The following LRRTM4 variants were observed in gnomAD, a reference collection of about 807,000 sequenced individuals.
LRRTM4 encodes the protein leucine-rich repeat transmembrane neuronal protein 4.
LRRTM4 carries 25 observed loss-of-function variants against 47.6 expected under a neutral mutation model. The ratio of observed to expected loss-of-function variants is 0.53; its 90% CI spans 0.38 to 0.73. LRRTM4 has a LOEUF of 0.73. LRRTM4 is among the 30% of genes least tolerant of loss of function. The pLI is 0.00. For missense variants in LRRTM4, 638 were observed against 713.4 expected, an observed-to-expected ratio of 0.89 and a Z score of 1.20; for synonymous variants, 311 against 269.5, an observed-to-expected ratio of 1.15 and a Z score of -1.51.
At chr2:76,971,208 C>T (rs183439519) in intron 3 of LRRTM4, among the ~76,000 whole-genome samples, 14 of 152,104 alleles carry the variant, frequency 9.2e-5, no homozygotes, top group Non-Finnish European at 1.6e-4. Context: ...TTCTGAGGAT[C>T]ATCTGTATCT....
chr2:77,459,759 C>CAAAA (rs59472827), intron 3 of LRRTM4, among the ~76,000 whole-genome samples: 1 of 126,334 alleles, frequency 7.9e-6, no homozygotes, highest in African/African-American at 2.9e-5. Context: ...CTGGTTTTAG[C>CAAAA]AAAAAAAAAA....
intron 3 of LRRTM4, among the ~76,000 whole-genome samples, chr2:77,399,117 C>T (rs930273253): frequency 5.3e-5 from 8 of 150,962 alleles, no homozygotes; most frequent in African/African-American, 7.3e-5. Context: ...GCCTCTCAAA[C>T]GTGATGCCAT....
At chr2:77,432,513 T>A (rs1675423422) in intron 3 of LRRTM4, among the ~76,000 whole-genome samples, 1 of 152,266 alleles carries the variant, frequency 6.6e-6, no homozygotes, top group African/African-American at 2.4e-5. Flanking sequence ...TTTATCTCAT[T>A]CATTCAATTT....
Position 76,872,491 on chromosome 2 carries a change from C to G in LRRTM4, c.1552-123575G>C, listed in dbSNP as rs145275404. On this transcript the variant is annotated intron_variant, in intron 3 of 3. Transcript: ENST00000409884. ...TCTGGCCTCCATAACCCATGTATGG[C>G]TTTGTCCTCATCACAAAACCATACA... 3.8e-3 allele frequency among the ~76,000 whole-genome samples: 573 copies of G among 152,014 alleles called. 1 individual carries two copies. The highest frequency in any genetic ancestry group is 0.013 in the African/African-American group (548 of 41,492).
intron 3 of LRRTM4, among the ~76,000 whole-genome samples, chr2:77,493,308 G>A (rs191969879): frequency 2.0e-4 from 30 of 151,924 alleles, no homozygotes; most frequent in Non-Finnish European, 2.7e-4. Flanking sequence ...AAAATGAATC[G>A]GTAATAAGAA....
At chr2:77,097,172 C>G (rs1670833909) in intron 3 of LRRTM4, among the ~76,000 whole-genome samples, 1 of 151,536 alleles carries the variant, frequency 6.6e-6, no homozygotes, top group African/African-American at 2.4e-5. Context: ...AAAATGACAC[C>G]TGGAAGATAT....
At chr2:77,346,299 A>G (rs1241151270) in intron 3 of LRRTM4, among the ~76,000 whole-genome samples, 3 of 152,126 alleles carry the variant, frequency 2.0e-5, no homozygotes, top group African/African-American at 7.2e-5. Context: ...ATTATACCCA[A>G]ATAAAAAAGG....
intron 3 of LRRTM4, among the ~76,000 whole-genome samples, chr2:77,200,298 A>G (rs910873415): frequency 2.0e-5 from 3 of 152,140 alleles, no homozygotes; most frequent in African/African-American, 7.2e-5. Flanking sequence ...ATAAAATGTT[A>G]GCTCTCTTAC....
intron 3 of LRRTM4, among the ~76,000 whole-genome samples, chr2:77,052,082 G>A (rs1458671419): frequency 2.0e-5 from 3 of 147,196 alleles, no homozygotes; most frequent in African/African-American, 7.6e-5. Flanking sequence ...GATAAGTGAA[G>A]GAAAAAACAA....
chr2:77,503,321 G>C (rs1044730753), intron 3 of LRRTM4, among the ~76,000 whole-genome samples: 1 of 151,654 alleles, frequency 6.6e-6, no homozygotes, highest in African/African-American at 2.4e-5. Context: ...ATTGCTTATG[G>C]AGTATGAGGG....
intron 3 of LRRTM4, among the ~76,000 whole-genome samples, chr2:76,779,829 G>T (rs560276090): frequency 1.2e-4 from 19 of 152,104 alleles, no homozygotes; most frequent in African/African-American, 3.1e-4. Flanking sequence ...TATTTTGCTC[G>T]TTAGTTGATG....
At chr2:77,482,441 A>AACAC (rs71381278) in intron 3 of LRRTM4, among the ~76,000 whole-genome samples, 345 of 28,458 alleles carry the variant, frequency 0.012, 2 homozygotes, top group African/African-American at 0.048. Context: ...ATATTTTTTA[A>AACAC]ACACACACAC....
chr2:76,798,181 A>C (rs1353243247), intron 3 of LRRTM4, among the ~76,000 whole-genome samples: 4 of 152,262 alleles, frequency 2.6e-5, no homozygotes, highest in Non-Finnish European at 2.9e-5. Context: ...CTATTCCAAA[A>C]TTGACCACAT....
chr2:76,820,546 C>G (rs753855486), intron 3 of LRRTM4, among the ~76,000 whole-genome samples: 1 of 151,528 alleles, frequency 6.6e-6, no homozygotes, highest in Non-Finnish European at 1.5e-5. Flanking sequence ...AAGAAATTTG[C>G]GATAAAAAAA....
Position 77,085,387 on chromosome 2 carries a change from T to G in LRRTM4, c.1552-336471A>C, listed in dbSNP as rs941957196. On this transcript the variant is annotated intron_variant, in intron 3 of 3. Transcript: ENST00000409884. ...AACTGGCAATCCCTCACTTTTTTTT[T>G]TTTTTGCCTGTTTTAAGGATGTTAT... Among the ~76,000 whole-genome samples the G allele has an allele frequency of 9.2e-5, 14 of 151,880 alleles. 1 individual carries two copies. In the East Asian group the frequency reaches 2.1e-3, roughly 23 times the overall value.
chr2:77,029,052 A>AAAAAAT (rs1277940864), intron 3 of LRRTM4, among the ~76,000 whole-genome samples: 2 of 140,642 alleles, frequency 1.4e-5, no homozygotes, highest in Non-Finnish European at 3.1e-5. Flanking sequence ...CACACACACA[A>AAAAAAT]ATATATATAT....
intron 3 of LRRTM4, among the ~76,000 whole-genome samples, chr2:77,016,121 C>T (rs367554883): frequency 1.3e-5 from 2 of 151,904 alleles, no homozygotes; most frequent in Non-Finnish European, 2.9e-5. Context: ...GGAGCAGTGG[C>T]TCATGCCTAT....
chr2:77,285,340 T>TTATATATATATATA (rs10527679), intron 3 of LRRTM4, among the ~76,000 whole-genome samples: 7,887 of 82,350 alleles, frequency 0.096, 867 homozygotes, highest in East Asian at 0.18. Context: ...AGCATTAAAT[T>TTATATATATATATA]TATATATATA....
chr2:77,009,928 T>A (rs988756642), intron 3 of LRRTM4: 1 of 152,026 alleles, frequency 6.6e-6, no homozygotes, highest in South Asian at 2.1e-4. Context: ...GTACCGACAG[T>A]CTTCCATCAT....
Sources: allele counts gnomAD v4.1 joint callset (sites outside exome capture counted in the v4.1 genomes callset), GRCh38; gene constraint gnomAD v4.1.1; transcripts MANE v1.5; gene names NCBI Gene and HGNC (gene_info 2026-07-23, HGNC 2026-07-21).